Variants in COL19A1 observed in about 807,000 individuals in gnomAD.
COL19A1 encodes the protein collagen type XIX alpha 1 chain.
In COL19A1, 159 loss-of-function variants were observed where a neutral mutation model predicts 190.2. The ratio of observed to expected loss-of-function variants is 0.84; its 90% confidence interval spans 0.73 to 0.95. The LOEUF is 0.95. Ranked by LOEUF, COL19A1 falls within the 40% of genes least tolerant of loss-of-function variation. The pLI, the probability that COL19A1 is intolerant of heterozygous loss-of-function variation, is 0.00. For missense variants in COL19A1, 1,418 were observed against 1,431.9 expected (o/e 0.99, Z 0.16); for synonymous variants, 509 against 458.9 (o/e 1.11, Z -1.39).
At chr6:70,030,230 T>A (rs1474213609) in intron 12 of COL19A1, among the ~76,000 whole-genome samples, 1 of 152,188 alleles carries the variant, frequency 6.6e-6, no homozygotes, top group Non-Finnish European at 1.5e-5. Context: ...GTTACCTGAT[T>A]CAACTGCCAA....
At chr6:70,036,308 A>G (rs1334709795) in intron 14 of COL19A1, among the ~76,000 whole-genome samples, 1 of 152,234 alleles carries the variant, frequency 6.6e-6, no homozygotes, top group Non-Finnish European at 1.5e-5. Context: ...GTAAAAGGAC[A>G]AAACAAACTC....
chr6:69,896,749 G>T (rs926013795), intron 2 of COL19A1, among the ~76,000 whole-genome samples: 3 of 152,072 alleles, frequency 2.0e-5, no homozygotes, highest in Non-Finnish European at 4.4e-5. Flanking sequence ...ATGATGTTGA[G>T]CACCTTCTCA....
intron 4 of COL19A1, among the ~76,000 whole-genome samples, chr6:69,916,613 T>G (rs536607193): frequency 6.6e-6 from 1 of 152,334 alleles, no homozygotes; most frequent in South Asian, 2.1e-4. Context: ...TGTGCAAATG[T>G]CAGAATAAAT....
chr6:70,050,062 C>T (rs1277512980), intron 14 of COL19A1, among the ~76,000 whole-genome samples: 7 of 152,072 alleles, frequency 4.6e-5, no homozygotes, highest in Non-Finnish European at 1.0e-4. Context: ...ACCAGGCTAC[C>T]TGAGTTTGAA....
At chr6:70,008,843 T>G (rs182516331) in intron 11 of COL19A1, among the ~76,000 whole-genome samples, 76 of 151,990 alleles carry the variant, frequency 5.0e-4, no homozygotes, top group Non-Finnish European at 8.7e-4. Context: ...TAGAAACAAT[T>G]ATAAACCTTG....
rs550902366 is a variant in COL19A1, at chr6:70,147,662, TC to T, written c.1893+777del. Among the ~76,000 whole-genome samples, 125 of 152,284 alleles carry T rather than the reference TC, an allele frequency of 8.2e-4. 1 individual carries two copies. The highest frequency in any genetic ancestry group is 2.0e-3 in the Admixed American group (31 of 15,280). On this transcript the variant is annotated intron_variant, in intron 27 of 50. Coordinates refer to ENST00000620364, the MANE Select transcript of COL19A1 (RefSeq NM_001858.6). ...GACACCAGCTGTGTGGGGTTTTTTT[TC>T]CCCTACTCATCAATTCCCCAATGGA...
chr6:70,166,804 T>TA (rs1765187782), intron 37 of COL19A1, among the ~76,000 whole-genome samples: 1 of 152,214 alleles, frequency 6.6e-6, no homozygotes, highest in African/African-American at 2.4e-5. Context: ...TCATCTGTGT[T>TA]ACTGACCTTT....
chr6:70,125,870 C>G (rs1449204136), intron 17 of COL19A1, among the ~76,000 whole-genome samples: 2 of 152,166 alleles, frequency 1.3e-5, no homozygotes, highest in Non-Finnish European at 2.9e-5. Context: ...TTCATTGTTT[C>G]CAGCTCTGGG....
intron 31 of COL19A1, among the ~76,000 whole-genome samples, chr6:70,154,282 A>G (rs1360789250): frequency 6.6e-6 from 1 of 152,162 alleles, no homozygotes; most frequent in Non-Finnish European, 1.5e-5. Flanking sequence ...TGCAAAGGAC[A>G]TGAACTCATC....
At chr6:70,040,394 A>C (rs1168754200) in intron 14 of COL19A1, among the ~76,000 whole-genome samples, 5 of 152,120 alleles carry the variant, frequency 3.3e-5, no homozygotes. Context: ...GTTCAGCTAC[A>C]ATAGCTTTTA....
chr6:70,117,182 G>A (rs949967865), intron 16 of COL19A1, among the ~76,000 whole-genome samples: 3 of 152,152 alleles, frequency 2.0e-5, no homozygotes, highest in Admixed American at 6.5e-5. Flanking sequence ...GCTCTGACTT[G>A]CACAGACAGC....
intron 4 of COL19A1, among the ~76,000 whole-genome samples, chr6:69,906,166 G>A (rs1261210347): frequency 3.3e-5 from 5 of 152,100 alleles, no homozygotes; most frequent in Non-Finnish European, 7.4e-5. Flanking sequence ...GCTTCCATTA[G>A]TTGCTTCAAT....
At chr6:70,061,945 T>G in intron 14 of COL19A1, among the ~76,000 whole-genome samples, 1 of 152,144 alleles carries the variant, frequency 6.6e-6, no homozygotes, top group East Asian at 1.9e-4. Flanking sequence ...ATTTGCCATT[T>G]TAAAGTTGGC....
chr6:70,065,144 T>C lies in COL19A1; in HGVS notation c.1171-3279T>C, dbSNP rs543975401. 7.8e-4 allele frequency among the ~76,000 whole-genome samples: 118 copies of C among 152,232 alleles called. 1 individual carries two copies. Among genetic ancestry groups the C allele is most frequent in the African/African-American group, 2.7e-3 (114 of 41,558 alleles). On this transcript the variant is annotated intron_variant, in intron 14 of 50. Coordinates refer to ENST00000620364, the MANE Select transcript of COL19A1 (RefSeq NM_001858.6). ...TATGGAACCAAAAAAGAGCCAGCAT[T>C]GCCAAGTCAATCCTAAGCCAAAAGA...
chr6:69,884,967 A>G (rs1768815983), intron 2 of COL19A1, among the ~76,000 whole-genome samples: 1 of 151,618 alleles, frequency 6.6e-6, no homozygotes, highest in Non-Finnish European at 1.5e-5. Context: ...GGTTCAAGCG[A>G]TTCTCCTGCC....
At chr6:69,942,295 C>G (rs1773522287) in intron 9 of COL19A1, among the ~76,000 whole-genome samples, 1 of 152,042 alleles carries the variant, frequency 6.6e-6, no homozygotes, top group Admixed American at 6.6e-5. Context: ...TATTTTCATT[C>G]ATTTATACAA....
chr6:70,059,775 T>A (rs1780713774), intron 14 of COL19A1: 2 of 527,608 alleles, frequency 3.8e-6, no homozygotes, highest in Admixed American at 2.0e-5. Flanking sequence ...CTAAATCCAA[T>A]CTCAAATGTC....
At position 70,201,852 on chromosome 6, in the gene COL19A1, G is replaced by A. The variant is rs138194395; in HGVS notation, c.3223+2116G>A. 7.0e-4 allele frequency among the ~76,000 whole-genome samples: 107 copies of A among 152,252 alleles called. No homozygotes were observed. The Middle Eastern group carries it at 0.014, about 19-fold the overall frequency. On this transcript the variant is annotated intron_variant, in intron 49 of 50. Coordinates refer to ENST00000620364, the MANE Select transcript of COL19A1 (RefSeq NM_001858.6). ...ACAGAGAAATCTCACTGAAAAGAAA[G>A]AAAATGAGAGGCTGCTGTTTAATTT...
chr6:69,967,382 G>A (rs1775178459), intron 11 of COL19A1, among the ~76,000 whole-genome samples: 1 of 152,170 alleles, frequency 6.6e-6, no homozygotes, highest in African/African-American at 2.4e-5. Flanking sequence ...TGAATCATAA[G>A]ACTGAAGGAG....
Sources: gnomAD v4.1 joint callset for allele counts (sites outside exome capture counted in the v4.1 genomes callset) on GRCh38, gnomAD v4.1.1 for gene constraint, MANE v1.5 for transcripts, NCBI Gene and HGNC (gene_info 2026-07-23, HGNC 2026-07-21) for gene names.